LINGO2: variants seen among roughly 807,000 people sequenced by gnomAD.
LINGO2 encodes the protein leucine rich repeat and Ig domain containing 2.
LINGO2 carries 14 observed loss-of-function variants against 30.6 expected under a neutral mutation model. The ratio of observed to expected loss-of-function variants is 0.46; its 90% CI spans 0.30 to 0.72. LINGO2 has a LOEUF of 0.72. Ranked by LOEUF, LINGO2 falls within the 30% of genes least tolerant of loss-of-function variation. LINGO2 has a pLI of 0.07. For missense variants in LINGO2, 729 were observed against 751.7 expected (o/e 0.97, Z 0.35); for synonymous variants, 317 against 288.5 (o/e 1.10, Z -1.00).
chr9:28,369,162 C>A (rs2134556934), intron 3 of LINGO2, among the ~76,000 whole-genome samples: 1 of 152,270 alleles, frequency 6.6e-6, no homozygotes, highest in African/African-American at 2.4e-5. Flanking sequence ...GGATCAGCAG[C>A]TCAGACTCCT....
intron 1 of LINGO2, among the ~76,000 whole-genome samples, chr9:28,655,023 AC>A (rs1404399807): frequency 6.6e-6 from 1 of 152,008 alleles, no homozygotes; most frequent in African/African-American, 2.4e-5. Flanking sequence ...AGGCTATTAA[AC>A]TTTTTCCATA....
the LINGO2 span, among the ~76,000 whole-genome samples, chr9:29,188,137 C>G: frequency 2.0e-5 from 3 of 148,918 alleles, no homozygotes; most frequent in Non-Finnish European, 4.4e-5. Flanking sequence ...ACAAAGGTCT[C>G]TGGTTTTCCT....
chr9:28,254,738 A>T (rs1278910106), intron 4 of LINGO2, among the ~76,000 whole-genome samples: 1 of 152,108 alleles, frequency 6.6e-6, no homozygotes, highest in Non-Finnish European at 1.5e-5. Context: ...ACCATTTTTT[A>T]AGCAACCAAT....
the LINGO2 span, among the ~76,000 whole-genome samples, chr9:29,041,876 G>C: frequency 6.6e-6 from 1 of 151,910 alleles, no homozygotes; most frequent in South Asian, 2.1e-4. Context: ...TACAAATTCT[G>C]AGAAAATATT....
intron 1 of LINGO2, among the ~76,000 whole-genome samples, chr9:28,502,135 C>CACAG (rs987286101): frequency 2.2e-4 from 31 of 142,278 alleles, no homozygotes; most frequent in African/African-American, 5.3e-4. Context: ...AACACAGACA[C>CACAG]ACACACACAC....
intron 4 of LINGO2, among the ~76,000 whole-genome samples, chr9:28,018,778 GT>G (rs1822967451): frequency 6.6e-6 from 1 of 152,130 alleles, no homozygotes; most frequent in Admixed American, 6.6e-5. Context: ...TTAGAACAGT[GT>G]GGTGATTTCT....
chr9:28,874,759 T>C, the LINGO2 span, among the ~76,000 whole-genome samples: 1 of 152,108 alleles, frequency 6.6e-6, no homozygotes, highest in African/African-American at 2.4e-5. Flanking sequence ...TGCTTTACTT[T>C]TATGGAGACT....
the LINGO2 span, among the ~76,000 whole-genome samples, chr9:29,132,669 G>T: frequency 1.4e-4 from 21 of 152,106 alleles, no homozygotes; most frequent in African/African-American, 4.8e-4. Context: ...TCATTCTTTC[G>T]TTGCTTTGTT....
chr9:29,100,320 G>A, the LINGO2 span, among the ~76,000 whole-genome samples: 1 of 151,864 alleles, frequency 6.6e-6, no homozygotes, highest in African/African-American at 2.4e-5. Context: ...AAAAAGGTCA[G>A]GAGTGGTGGC....
intron 2 of LINGO2, among the ~76,000 whole-genome samples, chr9:28,433,883 C>G (rs1210055855): frequency 6.7e-6 from 1 of 150,084 alleles, no homozygotes; most frequent in Non-Finnish European, 1.5e-5. Flanking sequence ...ACCCAAGTGC[C>G]CATCAACCAA....
At chr9:28,780,875 T>TG in the LINGO2 span, among the ~76,000 whole-genome samples, 1 of 150,470 alleles carries the variant, frequency 6.6e-6, no homozygotes, top group African/African-American at 2.4e-5. Context: ...TGTGTGTGTA[T>TG]TATATTGCTA....
chr9:28,782,886 G>T, the LINGO2 span, among the ~76,000 whole-genome samples: 3 of 152,156 alleles, frequency 2.0e-5, no homozygotes, highest in Non-Finnish European at 4.4e-5. Context: ...CTAAGATGGC[G>T]CAGCCCCACT....
intron 1 of LINGO2, among the ~76,000 whole-genome samples, chr9:28,657,381 T>A (rs1165027314): frequency 6.6e-6 from 1 of 152,028 alleles, no homozygotes; most frequent in Admixed American, 6.6e-5. Context: ...TACTCCGGGC[T>A]TTTTTATTTT....
the LINGO2 span, among the ~76,000 whole-genome samples, chr9:28,880,490 A>T: frequency 6.6e-6 from 1 of 152,194 alleles, no homozygotes; most frequent in Admixed American, 6.5e-5. Context: ...CTCTAGTCTC[A>T]ATAAACCAGG....
chr9:28,810,549 G>A, the LINGO2 span, among the ~76,000 whole-genome samples: 1 of 152,106 alleles, frequency 6.6e-6, no homozygotes, highest in Non-Finnish European at 1.5e-5. Flanking sequence ...TTCATCAAGA[G>A]AGTGCTGTGA....
the LINGO2 span, among the ~76,000 whole-genome samples, chr9:28,865,378 A>C: frequency 6.6e-6 from 1 of 152,166 alleles, no homozygotes; most frequent in Non-Finnish European, 1.5e-5. Context: ...GTCACACTCA[A>C]TCCCAAACTG....
the LINGO2 span, among the ~76,000 whole-genome samples, chr9:28,812,122 T>C: frequency 5.2e-4 from 79 of 152,142 alleles, no homozygotes; most frequent in African/African-American, 1.9e-3. Context: ...TTAGCGTATA[T>C]TTAGAATTTT....
At chr9:28,905,604 G>A in the LINGO2 span, among the ~76,000 whole-genome samples, 1 of 152,056 alleles carries the variant, frequency 6.6e-6, no homozygotes, top group Admixed American at 6.6e-5. Flanking sequence ...ATGTCTACAT[G>A]TAAGAGATAA....
intron 3 of LINGO2, among the ~76,000 whole-genome samples, chr9:28,372,446 A>T (rs1820940625): frequency 1.3e-5 from 2 of 152,146 alleles, no homozygotes; most frequent in Non-Finnish European, 2.9e-5. Context: ...TTATAGGTAG[A>T]CTCTAAAACA....
Sources: gnomAD v4.1 joint callset for allele counts (sites outside exome capture counted in the v4.1 genomes callset) on GRCh38, gnomAD v4.1.1 for gene constraint, MANE v1.5 for transcripts, NCBI Gene and HGNC (gene_info 2026-07-23, HGNC 2026-07-21) for gene names.